PCSK5: variants seen among roughly 807,000 people sequenced by gnomAD.
PCSK5 encodes the protein proprotein convertase subtilisin/kexin type 5.
Under a neutral mutation model 233.2 loss-of-function variants are expected in PCSK5, and 129 were observed. The ratio of observed to expected loss-of-function variants is 0.55; its 90% confidence interval spans 0.48 to 0.64. The LOEUF is 0.64. PCSK5 is among the 30% of genes least tolerant of loss of function. The probability of loss-of-function intolerance (pLI) is 0.00; values close to 1 mark genes in which losing one functional copy is unlikely to be tolerated. For synonymous variants in PCSK5, 825 were observed against 879.2 expected (o/e 0.94, Z 1.09); for missense variants, 2,076 against 2,430.1 (o/e 0.85, Z 3.06).
intron 22 of PCSK5, among the ~76,000 whole-genome samples, 185 bp downstream of exon 22, chr9:76,233,781 C>T (rs147902872): frequency 2.4e-4 from 36 of 152,188 alleles, no homozygotes; most frequent in African/African-American, 7.2e-4. Flanking sequence ...AGCTTGTTCA[C>T]CTTATTCGGG....
intron 3 of PCSK5, among the ~76,000 whole-genome samples, chr9:76,017,093 G>T (rs1827978198): frequency 6.6e-6 from 1 of 152,138 alleles, no homozygotes; most frequent in South Asian, 2.1e-4. Flanking sequence ...TAAATGTGTG[G>T]AGTAAAAAGG....
chr9:76,175,158 T>C, intron 14 of PCSK5, 29 bp downstream of exon 14: 1 of 1,603,598 alleles, frequency 6.2e-7, no homozygotes, highest in Non-Finnish European at 8.5e-7. Flanking sequence ...GGACACAGGC[T>C]AAAAAGAGGC....
intron 24 of PCSK5, among the ~76,000 whole-genome samples, chr9:76,245,463 C>T (rs1163015006): frequency 6.6e-6 from 1 of 152,052 alleles, no homozygotes; most frequent in Non-Finnish European, 1.5e-5. Context: ...TCAAGGAAGG[C>T]TTTTAAGAAG....
At chr9:76,356,600 A>G (rs944365598) in intron 37 of PCSK5, among the ~76,000 whole-genome samples, 2 of 152,224 alleles carry the variant, frequency 1.3e-5, no homozygotes, top group African/African-American at 4.8e-5. Context: ...TCTATGCTGA[A>G]CTTGCTAATG....
chr9:76,294,933 C>T (rs1296444763), intron 25 of PCSK5, among the ~76,000 whole-genome samples: 1 of 151,934 alleles, frequency 6.6e-6, no homozygotes, highest in Non-Finnish European at 1.5e-5. Flanking sequence ...TGGGCAGATC[C>T]CCTGAGGCCA....
At chr9:76,059,499 G>T (rs984557916) in intron 5 of PCSK5, among the ~76,000 whole-genome samples, 1 of 152,104 alleles carries the variant, frequency 6.6e-6, no homozygotes, top group African/African-American at 2.4e-5. Context: ...TAGGTCTAAC[G>T]TTTAAGTCTT....
At chr9:76,332,795 G>A (rs925158432) in intron 34 of PCSK5, among the ~76,000 whole-genome samples, 185 bp downstream of exon 34, 4 of 152,194 alleles carry the variant, frequency 2.6e-5, no homozygotes. Context: ...CAGAGTGACC[G>A]AGTGAGTTAA....
chr9:76,053,989 A>G (rs1300680905), intron 5 of PCSK5, among the ~76,000 whole-genome samples: 1 of 152,202 alleles, frequency 6.6e-6, no homozygotes, highest in African/African-American at 2.4e-5. Context: ...ACAGTTCCAC[A>G]TGCCTGGGGA....
chr9:75,936,926 A>G lies in PCSK5; in HGVS notation c.297+4443A>G, dbSNP rs575427953. Among the ~76,000 whole-genome samples the G allele has an allele frequency of 3.9e-5, 6 of 152,192 alleles. No individual in the cohort carries two copies. The East Asian group carries it at 1.2e-3, about 29-fold the overall frequency. ...ATTTGAAAGTAGACATTACTCCTTA[A>G]TCCATGAACTGCAGAATGATGTCGT... On this transcript the variant is annotated intron_variant, in intron 2 of 37. Coordinates refer to ENST00000674117, the MANE Select transcript of PCSK5 (RefSeq NM_001372043.1).
chr9:76,165,919 CTTGA>C (rs67116410), intron 12 of PCSK5, among the ~76,000 whole-genome samples: 26,523 of 152,136 alleles, frequency 0.17, 2,583 homozygotes, highest in East Asian at 0.31. Context: ...TGGTTCGACA[CTTGA>C]TTGTCTTAAG....
chr9:75,972,590 T>C (rs1429950114), intron 2 of PCSK5, among the ~76,000 whole-genome samples: 2 of 152,220 alleles, frequency 1.3e-5, no homozygotes, highest in Non-Finnish European at 2.9e-5. Flanking sequence ...GAAGAGATCC[T>C]TCACTTCCCT....
chr9:76,064,281 G>GAGAC (rs1830173712), intron 5 of PCSK5, among the ~76,000 whole-genome samples: 1 of 91,090 alleles, frequency 1.1e-5, no homozygotes, highest in Non-Finnish European at 2.1e-5. Context: ...CGGGCTAAGG[G>GAGAC]GCTCCTCACT....
intron 1 of PCSK5, among the ~76,000 whole-genome samples, chr9:75,914,904 T>C (rs1002798950): frequency 2.0e-5 from 3 of 152,172 alleles, no homozygotes; most frequent in Non-Finnish European, 4.4e-5. Context: ...AAAATCTGGC[T>C]TTTACACCCC....
rs145297118 is a variant in PCSK5, at chr9:75,941,789, C to A, written c.297+9306C>A. ...GAGACCTGAAGAGGCATGTGGGTGCCGGGTCCACTGTGTTCTCCACCTCCC... is the reference window on the plus strand; with the variant it reads ...GAGACCTGAAGAGGCATGTGGGTGCAGGGTCCACTGTGTTCTCCACCTCCC... On this transcript the variant is annotated intron_variant, in intron 2 of 37. Coordinates refer to ENST00000674117, the MANE Select transcript of PCSK5 (RefSeq NM_001372043.1). Among the ~76,000 whole-genome samples the A allele has an allele frequency of 1.8e-4, 28 of 152,192 alleles. No homozygotes were observed. In the South Asian group the frequency reaches 5.8e-3, roughly 32 times the overall value.
intron 6 of PCSK5, among the ~76,000 whole-genome samples, chr9:76,070,508 A>G (rs988015947): frequency 6.6e-6 from 1 of 152,152 alleles, no homozygotes; most frequent in Admixed American, 6.6e-5. Context: ...TTTTTTGTAA[A>G]AATTTTTAAA....
intron 20 of PCSK5, among the ~76,000 whole-genome samples, chr9:76,191,822 AAT>A (rs1824393645): frequency 1.3e-5 from 2 of 152,124 alleles, no homozygotes; most frequent in Non-Finnish European, 2.9e-5. Context: ...CCTATTTCTG[AAT>A]ATGACCAGAA....
intron 7 of PCSK5, among the ~76,000 whole-genome samples, chr9:76,076,890 T>C (rs984142439): frequency 6.6e-6 from 1 of 152,220 alleles, no homozygotes; most frequent in African/African-American, 2.4e-5. Context: ...TAATTTGGGC[T>C]GCATACAATT....
intron 20 of PCSK5, chr9:76,193,584 G>GTGTT (rs1824533190): frequency 1.2e-5 from 5 of 433,918 alleles, no homozygotes; most frequent in Non-Finnish European, 8.1e-6. Flanking sequence ...TTATAACTGG[G>GTGTT]TGTTTAGTGC....
At chr9:76,233,425 C>A in intron 21 of PCSK5, 35 bp from the exon 22 acceptor site, 1 of 1,610,194 alleles carries the variant, frequency 6.2e-7, no homozygotes, top group Non-Finnish European at 8.5e-7. Context: ...TGGAAAGTCA[C>A]CCTGATGAAT....
Sources: gnomAD v4.1 joint callset for allele counts (sites outside exome capture counted in the v4.1 genomes callset) on GRCh38, gnomAD v4.1.1 for gene constraint, MANE v1.5 for transcripts, NCBI Gene and HGNC (gene_info 2026-07-23, HGNC 2026-07-21) for gene names.